PRKN: variants seen among roughly 807,000 people sequenced by gnomAD.
The protein encoded by PRKN is parkin RBR E3 ubiquitin protein ligase.
In PRKN, 56 loss-of-function variants were observed where a neutral mutation model predicts 59.5. That is an observed-to-expected ratio of 0.94 (90% CI 0.76 to 1.18). The LOEUF (loss-of-function observed/expected upper bound fraction) is 1.18. Among genes scored for constraint, PRKN ranks in the 50% most tolerant of loss-of-function variants. PRKN has a pLI of 0.00. For missense variants in PRKN, 657 were observed against 596.4 expected, an observed-to-expected ratio of 1.10 and a Z score of -1.06; for synonymous variants, 250 against 222.1, an observed-to-expected ratio of 1.13 and a Z score of -1.12.
chr6:161,883,224 A>G (rs1308389553), intron 6 of PRKN, among the ~76,000 whole-genome samples: 3 of 151,804 alleles, frequency 2.0e-5, no homozygotes, highest in Non-Finnish European at 4.4e-5. Flanking sequence ...ATCTGAGGCC[A>G]GGCATGGTGG....
Position 161,545,350 on chromosome 6 carries a change from T to A in PRKN, c.1083+3504A>T. On this transcript the variant is annotated intron_variant, in intron 9 of 11. Coordinates refer to ENST00000366898, the MANE Select transcript of PRKN (RefSeq NM_004562.3). The surrounding 1 kb of genome is among the most constrained non-coding windows in gnomAD (Gnocchi z 4.1). ...GAACTCTGTAATTCTTCTATAGCTT[T>A]GCTACCAATGACTTTTCCTTGAACG... The A allele has an allele frequency of 2.5e-5, 40 of 1,608,186 alleles. No homozygotes were observed. The highest frequency in any genetic ancestry group is 3.4e-5 in the Non-Finnish European group (40 of 1,177,426).
At chr6:161,383,669 C>T (rs965556113) in intron 10 of PRKN, among the ~76,000 whole-genome samples, 17 of 152,200 alleles carry the variant, frequency 1.1e-4, no homozygotes, top group Non-Finnish European at 2.2e-4. Context: ...CTTCCTCCCC[C>T]TGCCTTTACA....
intron 1 of PRKN, among the ~76,000 whole-genome samples, chr6:162,684,233 T>C (rs1283826848): frequency 2.6e-5 from 4 of 152,098 alleles, no homozygotes; most frequent in Middle Eastern, 3.2e-3. Context: ...TGTTGAAGTA[T>C]GCCAAGATCC....
chr6:161,484,504 G>GAAAT lies in PRKN; in HGVS notation c.1083+64346_1083+64349dup, dbSNP rs1162885675. Among the ~76,000 whole-genome samples the GAAAT allele has an allele frequency of 6.6e-6, 1 of 152,170 alleles. No individual in the cohort carries two copies. The highest frequency in any genetic ancestry group is 6.5e-5 in the Admixed American group (1 of 15,274). ...ATTTTTACAACCATCTTTGCCCTGT[G>GAAAT]AAATAGGACATGGGATTCACTCTTT... On this transcript the variant is annotated intron_variant, in intron 9 of 11. Transcript: ENST00000366898. This position sits in a 1 kb window ranked among gnomAD's most constrained non-coding sequence, Gnocchi z 4.9.
chr6:161,744,272 C>T (rs1788321905), intron 7 of PRKN, among the ~76,000 whole-genome samples: 1 of 151,320 alleles, frequency 6.6e-6, no homozygotes, highest in African/African-American at 2.4e-5. Flanking sequence ...AATAACCATA[C>T]ATGCAGCACA....
chr6:162,480,923 A>G (rs1203148112), intron 1 of PRKN, among the ~76,000 whole-genome samples: 3 of 152,060 alleles, frequency 2.0e-5, no homozygotes, highest in African/African-American at 7.2e-5. Context: ...CTCCCGCCTC[A>G]GCCTCCTGAG....
At chr6:161,855,583 A>G (rs1469162739) in intron 6 of PRKN, among the ~76,000 whole-genome samples, 4 of 140,132 alleles carry the variant, frequency 2.9e-5, no homozygotes, top group Non-Finnish European at 6.2e-5. Flanking sequence ...AAACATTACT[A>G]TTGTTCACTT....
intron 9 of PRKN, among the ~76,000 whole-genome samples, chr6:161,427,348 C>T (rs1788417814): frequency 6.6e-6 from 1 of 152,206 alleles, no homozygotes; most frequent in South Asian, 2.1e-4. Flanking sequence ...TTCTCACAGC[C>T]ACCCTAACTG....
At chr6:161,684,875 A>T (rs1422307080) in intron 7 of PRKN, among the ~76,000 whole-genome samples, 1 of 151,996 alleles carries the variant, frequency 6.6e-6, no homozygotes, top group Non-Finnish European at 1.5e-5. Flanking sequence ...TCTTTTCAGA[A>T]CAGGAGAGGC....
intron 9 of PRKN, among the ~76,000 whole-genome samples, chr6:161,478,943 T>G (rs1791256855): frequency 6.6e-6 from 1 of 152,214 alleles, no homozygotes; most frequent in African/African-American, 2.4e-5. Flanking sequence ...CATATAAATA[T>G]GTAATTCATT....
At chr6:162,217,579 A>T (rs1219291403) in intron 3 of PRKN, among the ~76,000 whole-genome samples, 1 of 152,114 alleles carries the variant, frequency 6.6e-6, no homozygotes, top group Non-Finnish European at 1.5e-5. Context: ...TTTAGTAGAG[A>T]TGGGGTTTCA....
chr6:161,767,162 T>C lies in PRKN; in HGVS notation c.871+18610A>G, dbSNP rs73783398. Among the ~76,000 whole-genome samples the C allele has an allele frequency of 3.5e-3, 527 of 152,258 alleles. 6 individuals are homozygous for C. Among genetic ancestry groups the C allele is most frequent in the African/African-American group, 0.011 (473 of 41,552 alleles). On this transcript the variant is annotated intron_variant, in intron 7 of 11. Transcript: ENST00000366898. The stretch of plus-strand genomic sequence containing the variant: ...TTTGAAGAACAAGTTAGCTAATGAG[T>C]GCATCTTGCTGTAGGTCCAAAAACA...
Position 161,887,557 on chromosome 6 carries a change from G to T in PRKN, c.734+85745C>A, listed in dbSNP as rs114367552. ...CAAGTTAGTGAAACTTTTCAAGGTC[G>T]TCATGTATGATTGTATAAGAGATGC... On this transcript the variant is annotated intron_variant, in intron 6 of 11. Transcript: ENST00000366898. Among the ~76,000 whole-genome samples, 1,039 of 152,226 alleles carry T rather than the reference G, an allele frequency of 6.8e-3. 9 individuals carry two copies. The highest frequency in any genetic ancestry group is 0.024 in the African/African-American group (984 of 41,544).
chr6:162,513,089 T>A (rs1472935725), intron 1 of PRKN, among the ~76,000 whole-genome samples: 1 of 152,158 alleles, frequency 6.6e-6, no homozygotes, highest in Non-Finnish European at 1.5e-5. Flanking sequence ...CAGGGAAAAT[T>A]ATACCTGAAG....
chr6:161,908,092 G>T (rs532130310), intron 6 of PRKN, among the ~76,000 whole-genome samples: 1 of 151,504 alleles, frequency 6.6e-6, no homozygotes, highest in African/African-American at 2.4e-5. Flanking sequence ...TAACAACAAC[G>T]ACAACAACAA....
In PRKN at chr6:161,848,664, T is replaced by C. The variant is rs148882997; in HGVS notation, c.735-62756A>G. ...GGGAATCTGAACTAGGCCCTGGTTATGCTAATAGAAGCCAAGAGGTTTTCA... is the reference window on the plus strand; with the variant it reads ...GGGAATCTGAACTAGGCCCTGGTTACGCTAATAGAAGCCAAGAGGTTTTCA... On this transcript the variant is annotated intron_variant, in intron 6 of 11. Transcript: ENST00000366898. Among the ~76,000 whole-genome samples, 723 of 152,356 alleles carry C rather than the reference T, an allele frequency of 4.7e-3. 2 individuals are homozygous for C. Among genetic ancestry groups the C allele is most frequent in the African/African-American group, 0.016 (678 of 41,590 alleles).
chr6:162,586,807 A>C (rs547825708), intron 1 of PRKN, among the ~76,000 whole-genome samples: 2 of 152,202 alleles, frequency 1.3e-5, no homozygotes, highest in Non-Finnish European at 2.9e-5. Flanking sequence ...AGGCCAAAAG[A>C]TATATGAACT....
intron 2 of PRKN, among the ~76,000 whole-genome samples, chr6:162,309,725 A>T (rs924508269): frequency 1.3e-5 from 2 of 152,176 alleles, no homozygotes; most frequent in Non-Finnish European, 2.9e-5. Flanking sequence ...TTTTAAGCTC[A>T]AAGGTACATG....
intron 7 of PRKN, among the ~76,000 whole-genome samples, chr6:161,626,022 A>G (rs952752188): frequency 6.6e-6 from 1 of 152,202 alleles, no homozygotes; most frequent in East Asian, 1.9e-4. Flanking sequence ...TCTGTACATC[A>G]TCTGATCTAA....
Sources: allele counts gnomAD v4.1 joint callset (sites outside exome capture counted in the v4.1 genomes callset), GRCh38; gene constraint gnomAD v4.1.1; non-coding constraint Gnocchi (gnomAD v3.1); transcripts MANE v1.5; gene names NCBI Gene and HGNC (gene_info 2026-07-23, HGNC 2026-07-21).